ERC1: variants seen among roughly 807,000 people sequenced by gnomAD.
ERC1 encodes the protein RAB6 interacting protein 2.
A neutral mutation model predicts 132.0 loss-of-function variants in ERC1; 56 were observed. The observed-to-expected ratio is 0.42, with a 90% CI of 0.34 to 0.53. ERC1 has a LOEUF of 0.53. Among genes scored for constraint, ERC1 ranks in the 20% least tolerant of loss-of-function variants. The probability of loss-of-function intolerance (pLI) is 0.03; values close to 1 mark genes in which losing one functional copy is unlikely to be tolerated. For missense variants in ERC1, 1,202 were observed against 1,349.9 expected (o/e 0.89, Z 1.72); for synonymous variants, 478 against 476.1 (o/e 1.00, Z -0.05).
chr12:1,219,508 A>AT (rs1458166830), intron 12 of ERC1, among the ~76,000 whole-genome samples: 4 of 152,128 alleles, frequency 2.6e-5, no homozygotes, highest in African/African-American at 9.7e-5. Flanking sequence ...TAATTCAATG[A>AT]TTCCATTCGA....
chr12:1,156,239 T>C (rs1273844469), intron 8 of ERC1, among the ~76,000 whole-genome samples: 1 of 152,118 alleles, frequency 6.6e-6, no homozygotes, highest in Non-Finnish European at 1.5e-5. Context: ...TATTTTATTT[T>C]ATTTATTTTA....
At chr12:1,049,051 A>C (rs768100243) in intron 2 of ERC1, among the ~76,000 whole-genome samples, 1 of 152,260 alleles carries the variant, frequency 6.6e-6, no homozygotes, top group Non-Finnish European at 1.5e-5. Context: ...GCTTAATTTC[A>C]TAAAGCTACT....
At chr12:1,330,600 C>G (rs979661038) in intron 15 of ERC1, among the ~76,000 whole-genome samples, 24 of 152,100 alleles carry the variant, frequency 1.6e-4, no homozygotes, top group African/African-American at 5.6e-4. Flanking sequence ...CTCTTCCTTC[C>G]ACTTTTCTTC....
intron 18 of ERC1, among the ~76,000 whole-genome samples, chr12:1,465,111 G>A (rs16928470): frequency 0.1 from 15,938 of 152,048 alleles, 2,854 homozygotes; most frequent in African/African-American, 0.36. Context: ...GACAATTACT[G>A]TAATCCAGGT....
intron 12 of ERC1, chr12:1,204,507 C>CT: frequency 6.3e-7 from 1 of 1,589,306 alleles, no homozygotes; most frequent in Middle Eastern, 1.7e-4. Context: ...TCAGTCTCAC[C>CT]TCAAGGTCAG....
intron 15 of ERC1, among the ~76,000 whole-genome samples, chr12:1,307,554 A>T (rs909028487): frequency 4.6e-5 from 7 of 152,186 alleles, no homozygotes; most frequent in Admixed American, 4.6e-4. Context: ...CCTGCTAAAA[A>T]TTATATTCTT....
At chr12:1,202,084 A>AGCTTGCTTTCTGGGGAAGCT (rs1956963387) in intron 12 of ERC1, among the ~76,000 whole-genome samples, 1 of 152,200 alleles carries the variant, frequency 6.6e-6, no homozygotes, top group Non-Finnish European at 1.5e-5. Flanking sequence ...TGCTTGCTTC[A>AGCTTGCTTTCTGGGGAAGCT]GCTTGCTTTC....
At chr12:1,407,240 A>T (rs1400611527) in intron 16 of ERC1, among the ~76,000 whole-genome samples, 1 of 152,048 alleles carries the variant, frequency 6.6e-6, no homozygotes, top group East Asian at 1.9e-4. Flanking sequence ...TATTTTTAAG[A>T]CTCGAATTGT....
chr12:1,354,650 C>G (rs574165274), intron 15 of ERC1, among the ~76,000 whole-genome samples: 5 of 152,232 alleles, frequency 3.3e-5, no homozygotes, highest in Admixed American at 3.3e-4. Context: ...ATTTATTTAT[C>G]CTTTTCTTGG....
At chr12:1,476,795 G>A (rs2093982910) in intron 18 of ERC1, among the ~76,000 whole-genome samples, 1 of 152,146 alleles carries the variant, frequency 6.6e-6, no homozygotes, top group South Asian at 2.1e-4. Flanking sequence ...GACATGCAAA[G>A]ATTTATGTAT....
chr12:1,111,850 TC>T (rs1271219290), intron 5 of ERC1, among the ~76,000 whole-genome samples: 1 of 152,064 alleles, frequency 6.6e-6, no homozygotes, highest in East Asian at 1.9e-4. Context: ...CAAGTGATCC[TC>T]CTGCCTTGGC....
Position 1,487,188 on chromosome 12 carries a change from G to A in ERC1, c.3214-2905G>A, listed in dbSNP as rs145331651. Among the ~76,000 whole-genome samples the A allele has an allele frequency of 1.2e-4, 18 of 152,242 alleles. No homozygotes were observed. In the South Asian group the frequency reaches 1.2e-3, roughly 11 times the overall value. ...CCAGAGTTTGGGGTGCACCAAGGCC[G>A]CGTGGTCTAAATCGGGCCCCTCAGT... On this transcript the variant is annotated intron_variant, in intron 18 of 18. Coordinates refer to ENST00000360905, the MANE Select transcript of ERC1 (RefSeq NM_178040.4).
At chr12:1,400,223 ATCT>A (rs1223718725) in intron 16 of ERC1, among the ~76,000 whole-genome samples, 1 of 152,074 alleles carries the variant, frequency 6.6e-6, no homozygotes, top group Non-Finnish European at 1.5e-5. Context: ...CTATTTGTGA[ATCT>A]TCTTTGTTGA....
chr12:999,609 A>AT (rs10661786), intron 1 of ERC1, among the ~76,000 whole-genome samples: 3,854 of 102,844 alleles, frequency 0.037, 348 homozygotes, highest in African/African-American at 0.14. Flanking sequence ...GTGCTAGGTG[A>AT]TTTTTTTTTT....
chr12:1,104,812 T>C lies in ERC1; in HGVS notation c.1149T>C (p.Val383=), dbSNP rs1398594395. The change falls in exon 4 of 19, where the codon GTT becomes GTC. Residue 383 remains valine, a synonymous_variant. Coordinates refer to ENST00000360905, the MANE Select transcript of ERC1 (RefSeq NM_178040.4). ...CCAAAACAAAAGCTCTGCAAACTGT[T>C]ATTGAGATGAAGGTAAGTGAGAATC... ...DSAKTKALQT[V]IEMKDSKISS... 8 of 1,610,698 alleles carry C rather than the reference T, an allele frequency of 5.0e-6. No homozygotes were observed.
At chr12:1,042,552 G>T (rs904752492) in intron 2 of ERC1, among the ~76,000 whole-genome samples, 3 of 150,596 alleles carry the variant, frequency 2.0e-5, no homozygotes, top group Non-Finnish European at 4.4e-5. Flanking sequence ...CACTATGCCA[G>T]GTCTCAAACT....
chr12:1,067,926 C>CTTTTTT (rs71441641), intron 2 of ERC1, among the ~76,000 whole-genome samples: 3 of 120,952 alleles, frequency 2.5e-5, no homozygotes, highest in African/African-American at 3.2e-5. Flanking sequence ...TTAGCCACTG[C>CTTTTTT]TTTTTTTTTT....
intron 15 of ERC1, among the ~76,000 whole-genome samples, chr12:1,307,598 G>A (rs905565814): frequency 2.6e-5 from 4 of 152,156 alleles, no homozygotes; most frequent in African/African-American, 9.7e-5. Flanking sequence ...CGGTTCCAGA[G>A]CTGTGTTTGG....
chr12:1,182,117 C>T (rs1566169964), intron 10 of ERC1, 52 bp downstream of exon 10: 1 of 1,560,968 alleles, frequency 6.4e-7, no homozygotes, highest in Non-Finnish European at 8.7e-7. Flanking sequence ...TTGCATGTGT[C>T]TGTATGTTGG....
Sources: allele counts gnomAD v4.1 joint callset (sites outside exome capture counted in the v4.1 genomes callset), GRCh38; gene constraint gnomAD v4.1.1; transcripts MANE v1.5; gene names NCBI Gene and HGNC (gene_info 2026-07-23, HGNC 2026-07-21).